The following NAV1 variants were observed in gnomAD, a reference collection of about 807,000 sequenced individuals.
The protein encoded by NAV1 is neuron navigator 1.
In NAV1, 18 loss-of-function variants were observed where a neutral mutation model predicts 175.2. The ratio of observed to expected loss-of-function variants is 0.10; its 90% CI spans 0.07 to 0.15. NAV1 has a LOEUF of 0.15. Among genes scored for constraint, NAV1 ranks in the 10% least tolerant of loss-of-function variants. NAV1 has a pLI of 1.00. For synonymous variants in NAV1, 897 were observed against 978.7 expected, an observed-to-expected ratio of 0.92 and a Z score of 1.56; for missense variants, 1,731 against 2,436.6, an observed-to-expected ratio of 0.71 and a Z score of 6.10.
exon 1 of NAV1, chr1:201,648,817 C>CCGT (rs1553248032): frequency 7.0e-6 from 11 of 1,582,296 alleles, no homozygotes; most frequent in Non-Finnish European, 9.4e-6. Flanking sequence ...GCCAAGGCGC[C>CCGT]CGGCGGCGGC....
chr1:201,804,140 G>T, intron 16 of NAV1: 1 of 459,090 alleles, frequency 2.2e-6, no homozygotes, highest in Non-Finnish European at 4.0e-6. Flanking sequence ...GATGTTTTGT[G>T]GAGCTTTCCA....
chr1:201,595,126 C>T (rs920270768), intron 2 of NAV1, among the ~76,000 whole-genome samples: 2 of 152,228 alleles, frequency 1.3e-5, no homozygotes, highest in Admixed American at 6.5e-5. Flanking sequence ...TCCTGAGGCA[C>T]TCCCACCACC....
intron 1 of NAV1, among the ~76,000 whole-genome samples, chr1:201,704,678 G>A: frequency 6.6e-6 from 1 of 152,250 alleles, no homozygotes; most frequent in Non-Finnish European, 1.5e-5. Context: ...GTGGCCTTAT[G>A]TAGCACACCC....
At chr1:201,664,047 A>G (rs774746674) in intron 1 of NAV1, among the ~76,000 whole-genome samples, 13 of 152,066 alleles carry the variant, frequency 8.5e-5, no homozygotes, top group Non-Finnish European at 1.5e-5. Flanking sequence ...TCATTACTCT[A>G]TTGGGTTCTG....
intron 1 of NAV1, among the ~76,000 whole-genome samples, chr1:201,665,552 T>C (rs934426370): frequency 6.9e-6 from 1 of 145,884 alleles, no homozygotes; most frequent in Non-Finnish European, 1.5e-5. Flanking sequence ...TCTTCCCATC[T>C]CAGTCTCTCT....
chr1:201,826,881 G>T (rs2102860495), exon 30 of NAV1: 1 of 152,298 alleles, frequency 6.6e-6, no homozygotes. Flanking sequence ...CCCAATCTGG[G>T]CCCTCTGTCC....
In NAV1 at chr1:201,808,684, C is replaced by G. The variant is rs764755664; in HGVS notation, c.4039-19C>G. The G allele has an allele frequency of 6.2e-6, 10 of 1,614,124 alleles. No homozygotes were observed. The highest frequency in any genetic ancestry group is 1.3e-5 in the African/African-American group (1 of 74,944). Reference sequence around the variant, plus strand: ...TGTCTGTCCAGTCTGCCACCCTACCCTGTCTGTTCTTGCCACAGTTGGAGG... The same window carrying G: ...TGTCTGTCCAGTCTGCCACCCTACCGTGTCTGTTCTTGCCACAGTTGGAGG... On this transcript the variant is annotated intron_variant, in intron 19 of 29. Coordinates refer to ENST00000367296, the Ensembl canonical transcript of NAV1. This position sits in a 1 kb window ranked among gnomAD's most constrained non-coding sequence, Gnocchi z 5.5.
intron 3 of NAV1, among the ~76,000 whole-genome samples, chr1:201,758,045 T>A (rs1366986750): frequency 6.6e-6 from 1 of 152,118 alleles, no homozygotes; most frequent in East Asian, 1.9e-4. Context: ...TCATCCGGCA[T>A]TTTTTTTCTT....
intron 29 of NAV1, among the ~76,000 whole-genome samples, chr1:201,817,672 A>T (rs1679138005): frequency 6.6e-6 from 1 of 152,160 alleles, no homozygotes; most frequent in African/African-American, 2.4e-5. Context: ...GATGTATTCT[A>T]GCAAAGACCC....
intron 1 of NAV1, among the ~76,000 whole-genome samples, chr1:201,580,796 A>G (rs1418675893): frequency 6.6e-6 from 1 of 151,904 alleles, no homozygotes; most frequent in Non-Finnish European, 1.5e-5. Context: ...AGAATATGAG[A>G]TATTCTGGAG....
chr1:201,664,356 AC>A (rs1401210300), intron 1 of NAV1, among the ~76,000 whole-genome samples: 1 of 152,152 alleles, frequency 6.6e-6, no homozygotes, highest in Non-Finnish European at 1.5e-5. Context: ...AAATAAACAA[AC>A]AAATCAAATC....
intron 1 of NAV1, among the ~76,000 whole-genome samples, chr1:201,655,011 C>G (rs1669344933): frequency 6.6e-6 from 1 of 152,216 alleles, no homozygotes; most frequent in African/African-American, 2.4e-5. Context: ...TATTTGGGGT[C>G]AGACACCTAT....
chr1:201,727,375 C>A (rs542953032), intron 3 of NAV1, among the ~76,000 whole-genome samples: 5 of 152,240 alleles, frequency 3.3e-5, no homozygotes, highest in African/African-American at 1.2e-4. Flanking sequence ...TTGTTTTGAC[C>A]CATTTTTACC....
chr1:201,651,174 G>T (rs624785), intron 1 of NAV1, among the ~76,000 whole-genome samples: 1 of 109,410 alleles, frequency 9.1e-6, no homozygotes, highest in Non-Finnish European at 2.1e-5. Flanking sequence ...ACTGAGAGAG[G>T]GACTTGGCGA....
intron 1 of NAV1, among the ~76,000 whole-genome samples, chr1:201,551,416 A>G (rs1331191664): frequency 6.6e-6 from 1 of 152,082 alleles, no homozygotes; most frequent in Non-Finnish European, 1.5e-5. Flanking sequence ...TTTTGTAGAG[A>G]CAAGGTCTTG....
At chr1:201,591,132 G>A (rs927039606) in intron 2 of NAV1, among the ~76,000 whole-genome samples, 3 of 152,102 alleles carry the variant, frequency 2.0e-5, no homozygotes, top group Non-Finnish European at 4.4e-5. Context: ...GAGGCAACAC[G>A]GAAAGATTGA....
At chr1:201,584,566 G>A (rs1241183955) in intron 1 of NAV1, among the ~76,000 whole-genome samples, 1 of 152,212 alleles carries the variant, frequency 6.6e-6, no homozygotes, top group Admixed American at 6.5e-5. Flanking sequence ...AAATCCTGGA[G>A]ATGGAATACA....
intron 1 of NAV1, among the ~76,000 whole-genome samples, chr1:201,547,371 G>T (rs745516824): frequency 6.6e-5 from 10 of 152,144 alleles, no homozygotes; most frequent in Non-Finnish European, 1.3e-4. Context: ...TTAATATATG[G>T]CCAGAATCAG....
intron 3 of NAV1, among the ~76,000 whole-genome samples, chr1:201,761,570 C>T (rs190159030): frequency 6.6e-5 from 10 of 152,294 alleles, no homozygotes; most frequent in East Asian, 5.8e-4. Context: ...TGAATGGCAA[C>T]GTCTTCGTTT....
Sources: allele counts gnomAD v4.1 joint callset (sites outside exome capture counted in the v4.1 genomes callset), GRCh38; gene constraint gnomAD v4.1.1; non-coding constraint Gnocchi (gnomAD v3.1); transcripts MANE v1.5; gene names NCBI Gene and HGNC (gene_info 2026-07-23, HGNC 2026-07-21).